The following CNTN5 variants were observed in gnomAD, a reference collection of about 807,000 sequenced individuals.
CNTN5 encodes the protein contactin 5.
Under a neutral mutation model 129.1 loss-of-function variants are expected in CNTN5, and 77 were observed. That is an observed-to-expected ratio of 0.60 (90% CI 0.50 to 0.72). The LOEUF is 0.72. CNTN5 is among the 30% of genes least tolerant of loss of function. The probability of loss-of-function intolerance (pLI) is 0.00; values close to 1 mark genes in which losing one functional copy is unlikely to be tolerated. For missense variants in CNTN5, 1,478 were observed against 1,328.8 expected (o/e 1.11, Z -1.75); for synonymous variants, 509 against 465.6 (o/e 1.09, Z -1.20).
intron 2 of CNTN5, among the ~76,000 whole-genome samples, chr11:99,513,088 T>C (rs1189284119): frequency 1.3e-5 from 2 of 152,106 alleles, no homozygotes; most frequent in African/African-American, 4.8e-5. Flanking sequence ...AATACATGAA[T>C]GATAAAAGAG....
intron 2 of CNTN5, among the ~76,000 whole-genome samples, chr11:99,472,576 A>T (rs1045681880): frequency 3.9e-5 from 6 of 152,178 alleles, no homozygotes; most frequent in Non-Finnish European, 7.4e-5. Context: ...TTTCTTTGTC[A>T]GTGATCAAGT....
chr11:99,547,705 T>C (rs1948346033), intron 2 of CNTN5, among the ~76,000 whole-genome samples: 1 of 152,242 alleles, frequency 6.6e-6, no homozygotes, highest in Non-Finnish European at 1.5e-5. Context: ...TTTCTCTTAA[T>C]TTATATGCTA....
At chr11:99,959,927 ATT>A (rs35729015) in intron 8 of CNTN5, among the ~76,000 whole-genome samples, 6 of 149,648 alleles carry the variant, frequency 4.0e-5, no homozygotes, top group South Asian at 2.1e-4. Flanking sequence ...TTATTTGTCC[ATT>A]TTTTTTTTAA....
chr11:99,255,800 GCACA>G (rs140725036), intron 1 of CNTN5, among the ~76,000 whole-genome samples: 43 of 146,626 alleles, frequency 2.9e-4, no homozygotes, highest in African/African-American at 1.0e-3. Flanking sequence ...ACACACACAC[GCACA>G]CACACACACA....
chr11:99,765,840 A>G (rs1320101061), intron 3 of CNTN5, among the ~76,000 whole-genome samples: 3 of 151,944 alleles, frequency 2.0e-5, no homozygotes, highest in Non-Finnish European at 2.9e-5. Flanking sequence ...TCAATTAGAT[A>G]TGAAGAACAT....
chr11:99,613,884 T>C (rs1009206609), intron 3 of CNTN5, among the ~76,000 whole-genome samples: 2 of 152,202 alleles, frequency 1.3e-5, no homozygotes, highest in Non-Finnish European at 2.9e-5. Context: ...ACTTGTACTT[T>C]ATGTTTGGCT....
chr11:99,582,799 C>A (rs531544653), intron 3 of CNTN5, among the ~76,000 whole-genome samples: 4 of 152,290 alleles, frequency 2.6e-5, no homozygotes, highest in African/African-American at 9.6e-5. Flanking sequence ...GTAGTTTGAT[C>A]TTCTGAAGCC....
intron 16 of CNTN5, among the ~76,000 whole-genome samples, chr11:100,227,524 C>G (rs1246936580): frequency 6.6e-6 from 1 of 152,172 alleles, no homozygotes; most frequent in East Asian, 1.9e-4. Flanking sequence ...TTATTCACCT[C>G]TATTCCACCA....
intron 2 of CNTN5, among the ~76,000 whole-genome samples, chr11:99,340,312 G>A (rs1866452058): frequency 6.6e-6 from 1 of 152,242 alleles, no homozygotes; most frequent in Admixed American, 6.5e-5. Flanking sequence ...TAAGGAAGCT[G>A]AGTTGTCTGG....
intron 13 of CNTN5, among the ~76,000 whole-genome samples, chr11:100,173,508 C>A (rs918616753): frequency 3.3e-5 from 5 of 152,096 alleles, no homozygotes; most frequent in African/African-American, 1.2e-4. Flanking sequence ...GGAAAGAAAC[C>A]TACACCTCCA....
chr11:99,990,695 A>G (rs184108711), intron 8 of CNTN5, among the ~76,000 whole-genome samples: 2 of 152,276 alleles, frequency 1.3e-5, no homozygotes, highest in African/African-American at 4.8e-5. Context: ...TTGAGGTGAG[A>G]AAAAACTTTG....
chr11:99,481,984 A>G (rs557718921), intron 2 of CNTN5, among the ~76,000 whole-genome samples: 1 of 152,338 alleles, frequency 6.6e-6, no homozygotes, highest in Non-Finnish European at 1.5e-5. Flanking sequence ...TGATTTAAGA[A>G]TTAATGAATA....
chr11:99,785,151 G>C (rs760571190), intron 3 of CNTN5, among the ~76,000 whole-genome samples: 21 of 152,052 alleles, frequency 1.4e-4, no homozygotes, highest in Non-Finnish European at 2.6e-4. Context: ...TTTCTCTAAT[G>C]ACTGGTGATG....
At chr11:99,813,426 C>T (rs1946489660) in intron 3 of CNTN5, among the ~76,000 whole-genome samples, 1 of 152,090 alleles carries the variant, frequency 6.6e-6, no homozygotes, top group African/African-American at 2.4e-5. Flanking sequence ...GACACCTTTC[C>T]ATGACAGAAG....
At chr11:99,508,686 C>CTTTCTTTTTTTTTTTTTTTTTTTTTTT (rs11281160) in intron 2 of CNTN5, among the ~76,000 whole-genome samples, 1 of 146,860 alleles carries the variant, frequency 6.8e-6, no homozygotes. Context: ...TCTTTTCTTT[C>CTTTCTTTTTTTTTTTTTTTTTTTTTTT]TTTTTTTTTT....
chr11:99,898,679 T>A (rs970868266), intron 6 of CNTN5, among the ~76,000 whole-genome samples: 2 of 152,054 alleles, frequency 1.3e-5, no homozygotes, highest in Non-Finnish European at 2.9e-5. Flanking sequence ...AAATTATGTA[T>A]TTTCATTGTG....
chr11:99,578,601 G>A (rs1249255584), intron 3 of CNTN5, among the ~76,000 whole-genome samples: 6 of 149,338 alleles, frequency 4.0e-5, no homozygotes, highest in Non-Finnish European at 7.4e-5. Flanking sequence ...ATTTTTTCAT[G>A]TGTTTTTTGG....
chr11:99,395,039 TC>T (rs1469157859), intron 2 of CNTN5, among the ~76,000 whole-genome samples: 4 of 151,874 alleles, frequency 2.6e-5, no homozygotes, highest in Admixed American at 1.3e-4. Context: ...CGATTTATAT[TC>T]CTTTGGGTAT....
chr11:100,118,939 C>T (rs772715163), intron 13 of CNTN5, among the ~76,000 whole-genome samples: 4 of 151,762 alleles, frequency 2.6e-5, no homozygotes, highest in African/African-American at 7.2e-5. Flanking sequence ...AAGTTGAAAA[C>T]CTGTATCTGG....
Sources: gnomAD v4.1 joint callset for allele counts (sites outside exome capture counted in the v4.1 genomes callset) on GRCh38, gnomAD v4.1.1 for gene constraint, MANE v1.5 for transcripts, NCBI Gene and HGNC (gene_info 2026-07-23, HGNC 2026-07-21) for gene names.